COMT: variants seen among roughly 807,000 people sequenced by gnomAD.
COMT encodes the protein catechol-O-methyltransferase.
In COMT, 13 loss-of-function variants were observed where a neutral mutation model predicts 18.9. The ratio of observed to expected loss-of-function variants is 0.69; its 90% CI spans 0.45 to 1.09. The LOEUF is 1.09. Among genes scored for constraint, COMT ranks in the 50% least tolerant of loss-of-function variants. The pLI is 0.00. For missense variants in COMT, 329 were observed against 361.8 expected, an observed-to-expected ratio of 0.91 and a Z score of 0.73; for synonymous variants, 150 against 160.9, an observed-to-expected ratio of 0.93 and a Z score of 0.51.
chr22:19,967,488 C>A, intron 5 of COMT: 1 of 436,004 alleles, frequency 2.3e-6, no homozygotes. Flanking sequence ...CCTCACTGAC[C>A]TTGCAGCCGT....
Position 19,964,300 on chromosome 22 carries a change from G to A in COMT, c.615+1G>A, listed in dbSNP as rs548187718. The A allele has an allele frequency of 1.7e-5, 27 of 1,613,892 alleles. No homozygotes were observed. The South Asian group carries it at 2.9e-4, about 17-fold the overall frequency. ...CCTGCCGGACACGCTTCTCTTGGAG[G>A]TGAGCCCCAACCAGGATGGCATCCG... On this transcript the variant is annotated splice_donor_variant, in intron 5 of 5. Coordinates refer to ENST00000361682, the MANE Select transcript of COMT (RefSeq NM_000754.4). LOFTEE classifies it high-confidence loss of function.
chr22:19,968,767 T>C lies in COMT; in HGVS notation c.*31T>C, dbSNP rs1365289535. 6.3e-7 allele frequency: 1 copy of C among 1,592,928 alleles called. No individual in the cohort carries two copies. Among genetic ancestry groups the C allele is most frequent in the African/African-American group, 1.3e-5 (1 of 74,764 alleles). On this transcript the variant is annotated 3_prime_UTR_variant, in exon 6 of 6. Coordinates refer to ENST00000361682, the MANE Select transcript of COMT (RefSeq NM_000754.4). ...CCCCCGGCCCCCCTCTCGGGCTCTC[T>C]CACCCAGCCTGGTACTGAAGGTGCC...
At chr22:19,957,624 C>T (rs1214722335) in intron 1 of COMT, among the ~76,000 whole-genome samples, 2 of 152,222 alleles carry the variant, frequency 1.3e-5, no homozygotes, top group Non-Finnish European at 2.9e-5. Context: ...GTGTCCTGGC[C>T]GCACTGTGAG....
At chr22:19,952,916 A>G (rs954856507) in intron 1 of COMT, among the ~76,000 whole-genome samples, 8 of 152,026 alleles carry the variant, frequency 5.3e-5, no homozygotes, top group African/African-American at 1.9e-4. Context: ...GCGCCACTGC[A>G]CTCCAGTCTG....
Position 19,943,672 on chromosome 22 carries a change from TAAAA to T in COMT, c.-92+1777_-92+1780del, listed in dbSNP as rs1308164428. On this transcript the variant is annotated intron_variant, in intron 1 of 5. Transcript: ENST00000361682. The stretch of plus-strand genomic sequence containing the variant: ...AAAAAATAATAATAAAATAAAAAAA[TAAAA>T]AGAAAGAAAGAAATAAAAACAAAGA... 4.9e-4 allele frequency among the ~76,000 whole-genome samples: 74 copies of T among 151,098 alleles called. 1 individual carries two copies. The highest frequency in any genetic ancestry group is 6.8e-3 in the Middle Eastern group (2 of 292).
At chr22:19,943,096 T>C (rs1941771329) in intron 1 of COMT, among the ~76,000 whole-genome samples, 1 of 152,150 alleles carries the variant, frequency 6.6e-6, no homozygotes, top group Non-Finnish European at 1.5e-5. Flanking sequence ...TAGTGTTCGT[T>C]CCAGCCTAGA....
chr22:19,969,800 C>T lies in COMT; in HGVS notation c.*1064C>T, dbSNP rs1942641702. The T allele has an allele frequency of 1.0e-6, 1 of 976,312 alleles. No individual in the cohort carries two copies. The highest frequency in any genetic ancestry group is 1.2e-6 in the Non-Finnish European group (1 of 821,734). 60.5% of individuals were successfully genotyped at this position (976,312 alleles called of 1,614,324 possible). On this transcript the variant is annotated 3_prime_UTR_variant, in exon 6 of 6. Coordinates refer to ENST00000361682, the MANE Select transcript of COMT (RefSeq NM_000754.4). ...GACACAGCAGATGGGCACCTGGGAC[C>T]ACCTCCACCCAGGGCCCTGCCCCAG... is the stretch of plus-strand genomic sequence containing the variant.
intron 5 of COMT, among the ~76,000 whole-genome samples, chr22:19,966,592 CACT>C (rs147296111): frequency 0.014 from 2,149 of 151,796 alleles, 52 homozygotes; most frequent in African/African-American, 0.048. Context: ...AGGCATGCAC[CACT>C]ACACCTGGCT....
chr22:19,943,573 C>T (rs933269), intron 1 of COMT, among the ~76,000 whole-genome samples: 88,489 of 151,414 alleles, frequency 0.58, 25,995 homozygotes, highest in East Asian at 0.71. Context: ...GCCTGGGAGG[C>T]GGAGGCTGCC....
intron 1 of COMT, among the ~76,000 whole-genome samples, chr22:19,960,056 C>G (rs534967866): frequency 1.3e-5 from 2 of 152,270 alleles, no homozygotes; most frequent in Non-Finnish European, 1.5e-5. Context: ...CCTCTGCTGC[C>G]TCCCACTAGG....
chr22:19,949,247 C>T (rs1941888741), intron 1 of COMT, among the ~76,000 whole-genome samples: 2 of 152,080 alleles, frequency 1.3e-5, no homozygotes, highest in African/African-American at 4.8e-5. Flanking sequence ...AGCGATCCTC[C>T]TGCCTCACCC....
At chr22:19,946,742 A>G (rs1941841464) in intron 1 of COMT, among the ~76,000 whole-genome samples, 1 of 152,204 alleles carries the variant, frequency 6.6e-6, no homozygotes, top group South Asian at 2.1e-4. Flanking sequence ...AGCATTTTAA[A>G]TAATAACCAG....
At chr22:19,945,373 C>G (rs1266072278) in intron 1 of COMT, among the ~76,000 whole-genome samples, 1 of 152,212 alleles carries the variant, frequency 6.6e-6, no homozygotes, top group Non-Finnish European at 1.5e-5. Context: ...AACCTGAAAG[C>G]CATCTGGTCA....
chr22:19,969,907 C>G lies in COMT; in HGVS notation c.*1171C>G. The stretch of plus-strand genomic sequence containing the variant: ...CAGAAAGCAAAAAGTTCCTTTGCTG[C>G]TTTAATTTTTAAATTTTCTTACAAA... On this transcript the variant is annotated 3_prime_UTR_variant, in exon 6 of 6. Coordinates refer to ENST00000361682, the MANE Select transcript of COMT (RefSeq NM_000754.4). 1 of 985,498 alleles carries G rather than the reference C, an allele frequency of 1.0e-6. No individual in the cohort carries two copies. Among genetic ancestry groups the G allele is most frequent in the Non-Finnish European group, 1.2e-6 (1 of 829,926 alleles). 61.0% of individuals were successfully genotyped at this position (985,498 alleles called of 1,614,324 possible).
At position 19,941,803 on chromosome 22, in the gene COMT, T is replaced by C. The variant is rs1173322116; in HGVS notation, c.-186T>C. The C allele has an allele frequency of 4.6e-6, 7 of 1,533,368 alleles. No individual in the cohort carries two copies. The highest frequency in any genetic ancestry group is 6.1e-6 in the Non-Finnish European group (7 of 1,151,036). 95.0% of individuals were successfully genotyped at this position (1,533,368 alleles called of 1,614,324 possible). On this transcript the variant is annotated 5_prime_UTR_variant, in exon 1 of 6. Transcript: ENST00000361682. ...CGCAGCGCCACCGCCATTGCCGCCATCGTCGTGGGGCTTCTGGGGCAGCTA... is the reference window on the plus strand; with the variant it reads ...CGCAGCGCCACCGCCATTGCCGCCACCGTCGTGGGGCTTCTGGGGCAGCTA...
chr22:19,954,982 C>T (rs995408309), intron 1 of COMT, among the ~76,000 whole-genome samples: 8 of 152,060 alleles, frequency 5.3e-5, no homozygotes, highest in Non-Finnish European at 1.2e-4. Flanking sequence ...CAGAAAGAGG[C>T]GAGGCCCCAT....
intron 1 of COMT, among the ~76,000 whole-genome samples, chr22:19,945,760 G>A (rs9332322): frequency 3.7e-4 from 57 of 152,144 alleles, no homozygotes; most frequent in Middle Eastern, 3.4e-3. Flanking sequence ...CCGCCTCCTG[G>A]GTTTACACCA....
intron 1 of COMT, among the ~76,000 whole-genome samples, chr22:19,943,414 G>C (rs559605765): frequency 1.3e-5 from 2 of 152,268 alleles, no homozygotes; most frequent in Admixed American, 1.3e-4. Flanking sequence ...TTTGGAGGCC[G>C]AGGAGGATCA....
chr22:19,964,324 C>T (rs367860001), intron 5 of COMT, 25 bp downstream of exon 5: 87 of 1,613,610 alleles, frequency 5.4e-5, no homozygotes, highest in Admixed American at 2.8e-4. Context: ...GGATGGCATC[C>T]GTGCCAGCTG....
Sources: gnomAD v4.1 joint callset for allele counts (sites outside exome capture counted in the v4.1 genomes callset) on GRCh38, gnomAD v4.1.1 for gene constraint, MANE v1.5 for transcripts, NCBI Gene and HGNC (gene_info 2026-07-23, HGNC 2026-07-21) for gene names.